The following SEMA6D variants were observed in gnomAD, a reference collection of about 807,000 sequenced individuals.
SEMA6D encodes semaphorin 6D.
SEMA6D carries 35 observed loss-of-function variants against 106.6 expected under a neutral mutation model. The ratio of observed to expected loss-of-function variants is 0.33; its 90% CI spans 0.25 to 0.44. SEMA6D has a LOEUF of 0.44. Among genes scored for constraint, SEMA6D ranks in the 20% least tolerant of loss-of-function variants. The probability of loss-of-function intolerance (pLI) is 1.00; values close to 1 mark genes in which losing one functional copy is unlikely to be tolerated. For synonymous variants in SEMA6D, 499 were observed against 487.7 expected (o/e 1.02, Z -0.31); for missense variants, 1,185 against 1,345.9 (o/e 0.88, Z 1.87).
At chr15:47,683,339 T>C (rs7169071) in intron 4 of SEMA6D, among the ~76,000 whole-genome samples, 66,943 of 152,018 alleles carry the variant, frequency 0.44, 15,326 homozygotes, top group African/African-American at 0.56. Flanking sequence ...AGTTATTTCA[T>C]TTAGAATAAT....
intron 3 of SEMA6D, among the ~76,000 whole-genome samples, chr15:47,481,755 A>C (rs530879366): frequency 1.3e-5 from 2 of 152,282 alleles, no homozygotes; most frequent in South Asian, 4.1e-4. Context: ...TCCTGACTCT[A>C]CTGCTGGGGA....
intron 3 of SEMA6D, among the ~76,000 whole-genome samples, chr15:47,583,221 C>A (rs573663644): frequency 3.0e-4 from 46 of 152,254 alleles, no homozygotes; most frequent in Non-Finnish European, 1.5e-4. Flanking sequence ...CCACTCTAGA[C>A]CTTTTGTAGA....
chr15:47,744,375 T>G (rs1199953283), intron 1 of SEMA6D, among the ~76,000 whole-genome samples: 3 of 152,158 alleles, frequency 2.0e-5, no homozygotes, highest in Non-Finnish European at 4.4e-5. Context: ...ACATTGGGAA[T>G]GCAGAGAGAG....
At chr15:47,217,391 A>G (rs1459640877) in intron 1 of SEMA6D, among the ~76,000 whole-genome samples, 9 of 152,202 alleles carry the variant, frequency 5.9e-5, no homozygotes, top group African/African-American at 2.2e-4. Flanking sequence ...ATACCTTGTA[A>G]TAGCAAACAA....
At chr15:47,618,040 C>T (rs117800453) in intron 4 of SEMA6D, among the ~76,000 whole-genome samples, 1 of 152,302 alleles carries the variant, frequency 6.6e-6, no homozygotes, top group Non-Finnish European at 1.5e-5. Flanking sequence ...ACACAGAAGA[C>T]AGTTCAGAGA....
chr15:47,275,194 A>C (rs980078237), intron 1 of SEMA6D: 2 of 152,188 alleles, frequency 1.3e-5, no homozygotes, highest in Non-Finnish European at 2.9e-5. Context: ...GATTGCCTGC[A>C]TTTTCTGTGA....
At chr15:47,494,840 T>G (rs1030053808) in intron 3 of SEMA6D, among the ~76,000 whole-genome samples, 2 of 136,118 alleles carry the variant, frequency 1.5e-5, no homozygotes, top group African/African-American at 5.4e-5. Context: ...CGCTAATTCA[T>G]GAATCATTCT....
intron 4 of SEMA6D, among the ~76,000 whole-genome samples, chr15:47,682,917 G>T (rs892459782): frequency 2.0e-5 from 3 of 152,162 alleles, no homozygotes; most frequent in African/African-American, 7.2e-5. Context: ...CAGCAAAAGT[G>T]CATGCTCATC....
intron 1 of SEMA6D, among the ~76,000 whole-genome samples, chr15:47,370,042 T>G (rs553956989): frequency 2.0e-5 from 3 of 152,208 alleles, no homozygotes; most frequent in African/African-American, 7.2e-5. Context: ...CAGTAAGAGG[T>G]AGAACTCACA....
chr15:47,557,747 G>A (rs4775695), intron 3 of SEMA6D, among the ~76,000 whole-genome samples: 109,677 of 152,102 alleles, frequency 0.72, 39,774 homozygotes, highest in South Asian at 0.78. Flanking sequence ...TTAAAGGCCA[G>A]TGAATACATT....
intron 1 of SEMA6D, among the ~76,000 whole-genome samples, chr15:47,737,294 T>C (rs2080501766): frequency 6.6e-6 from 1 of 152,086 alleles, no homozygotes; most frequent in South Asian, 2.1e-4. Context: ...TACTAGTTCT[T>C]GGTTTTATTG....
chr15:47,579,819 A>G (rs899907331), intron 3 of SEMA6D, among the ~76,000 whole-genome samples: 1 of 151,912 alleles, frequency 6.6e-6, no homozygotes, highest in Admixed American at 6.6e-5. Context: ...TCTCCATAAG[A>G]TTGAGCTATT....
chr15:47,474,646 G>C (rs1296181813), intron 3 of SEMA6D, among the ~76,000 whole-genome samples: 1 of 152,168 alleles, frequency 6.6e-6, no homozygotes, highest in Admixed American at 6.5e-5. Context: ...ACCTACGCAA[G>C]TTGCTACATG....
chr15:47,712,434 C>A (rs918383607), intron 4 of SEMA6D, among the ~76,000 whole-genome samples: 6 of 152,104 alleles, frequency 3.9e-5, no homozygotes, highest in African/African-American at 1.2e-4. Context: ...TTATTTTAAC[C>A]AAGCCTAGGT....
At chr15:47,679,564 C>T (rs573995657) in intron 4 of SEMA6D, among the ~76,000 whole-genome samples, 115 of 151,902 alleles carry the variant, frequency 7.6e-4, no homozygotes, top group Non-Finnish European at 1.4e-3. Flanking sequence ...GATTTTTAGC[C>T]TTGCAGAGAG....
chr15:47,267,342 T>C (rs918829582), intron 1 of SEMA6D, among the ~76,000 whole-genome samples: 2 of 151,986 alleles, frequency 1.3e-5, no homozygotes, highest in South Asian at 2.1e-4. Context: ...TAACTTTATG[T>C]TTTTTTCCTG....
At position 47,327,543 on chromosome 15, in the gene SEMA6D, A is replaced by G. The variant is rs551081063; in HGVS notation, c.-238-84850A>G. Among the ~76,000 whole-genome samples the G allele has an allele frequency of 2.0e-4, 30 of 152,322 alleles. No homozygotes were observed. The South Asian group carries it at 6.0e-3, about 30-fold the overall frequency. On this transcript the variant is annotated intron_variant, in intron 1 of 19. Transcript: ENST00000558014. ...ATGTTAGTAGGAAGCTTATCTTTGT[A>G]TTTACCATACAAGCCTTCTTCAGAT...
intron 3 of SEMA6D, among the ~76,000 whole-genome samples, chr15:47,519,998 C>T (rs550703742): frequency 2.6e-5 from 4 of 152,048 alleles, no homozygotes; most frequent in East Asian, 1.9e-4. Context: ...CTCATGCAGC[C>T]GATCATCCAA....
At chr15:47,318,608 T>C (rs1304842053) in intron 1 of SEMA6D, among the ~76,000 whole-genome samples, 1 of 145,878 alleles carries the variant, frequency 6.9e-6, no homozygotes, top group Admixed American at 7.0e-5. Flanking sequence ...CATCATTTTT[T>C]ATGGCTGCAT....
Sources: allele counts gnomAD v4.1 joint callset (sites outside exome capture counted in the v4.1 genomes callset), GRCh38; gene constraint gnomAD v4.1.1; transcripts MANE v1.5; gene names NCBI Gene and HGNC (gene_info 2026-07-23, HGNC 2026-07-21).